Variants in PSD3 observed in about 807,000 individuals in gnomAD.
PSD3 encodes pleckstrin and Sec7 domain containing 3.
A neutral mutation model predicts 105.5 loss-of-function variants in PSD3; 49 were observed. The ratio of observed to expected loss-of-function variants is 0.46; its 90% confidence interval spans 0.37 to 0.59. The LOEUF is 0.59. Ranked by LOEUF, PSD3 falls within the 20% of genes least tolerant of loss-of-function variation. PSD3 has a pLI of 0.00. For synonymous variants in PSD3, 557 were observed against 457.8 expected (o/e 1.22, Z -2.77); for missense variants, 1,561 against 1,263.8 (o/e 1.24, Z -3.57).
intron 8 of PSD3, among the ~76,000 whole-genome samples, chr8:18,790,316 T>C (rs1809583193): frequency 6.6e-6 from 1 of 150,732 alleles, no homozygotes; most frequent in Non-Finnish European, 1.5e-5. Context: ...TTTTTTTTTT[T>C]TTTTTGAGAC....
intron 11 of PSD3, among the ~76,000 whole-genome samples, chr8:18,613,316 G>C (rs948666438): frequency 6.6e-6 from 1 of 152,058 alleles, no homozygotes; most frequent in Non-Finnish European, 1.5e-5. Flanking sequence ...GAGGGGGTGG[G>C]GCCTTGGGAA....
intron 14 of PSD3, among the ~76,000 whole-genome samples, chr8:18,564,399 C>T (rs531919729): frequency 1.4e-4 from 22 of 152,108 alleles, no homozygotes; most frequent in African/African-American, 3.4e-4. Flanking sequence ...GAGGCCGATG[C>T]GGGCGGATCA....
At chr8:18,726,869 A>G (rs1803366244) in intron 9 of PSD3, among the ~76,000 whole-genome samples, 1 of 152,210 alleles carries the variant, frequency 6.6e-6, no homozygotes, top group East Asian at 1.9e-4. Flanking sequence ...CAGACAGTCC[A>G]CCATCTAGGA....
intron 14 of PSD3, among the ~76,000 whole-genome samples, chr8:18,564,158 T>C (rs1801582754): frequency 6.6e-6 from 1 of 152,118 alleles, no homozygotes; most frequent in Admixed American, 6.5e-5. Context: ...GGTTTACTAA[T>C]ATTTATTACT....
At chr8:18,864,345 T>G (rs911667376) in intron 4 of PSD3, among the ~76,000 whole-genome samples, 3 of 152,190 alleles carry the variant, frequency 2.0e-5, no homozygotes, top group African/African-American at 7.2e-5. Flanking sequence ...AGAACACTAA[T>G]AGTTCCTTTC....
At chr8:18,834,041 G>C (rs938270530) in intron 4 of PSD3, among the ~76,000 whole-genome samples, 1 of 152,138 alleles carries the variant, frequency 6.6e-6, no homozygotes, top group Non-Finnish European at 1.5e-5. Context: ...ACAAAATTTT[G>C]CTGAGAGAAG....
At chr8:18,939,868 A>T (rs375061052) in intron 1 of PSD3, among the ~76,000 whole-genome samples, 3 of 152,340 alleles carry the variant, frequency 2.0e-5, no homozygotes, top group African/African-American at 7.2e-5. Flanking sequence ...ATAAGTTTAT[A>T]CACACATATC....
At chr8:18,969,103 A>G (rs1163221691) in intron 1 of PSD3, among the ~76,000 whole-genome samples, 1 of 152,178 alleles carries the variant, frequency 6.6e-6, no homozygotes, top group South Asian at 2.1e-4. Context: ...AAATTACAAC[A>G]TAAAACATAT....
chr8:19,035,911 T>C (rs975773316), intron 1 of PSD3, among the ~76,000 whole-genome samples: 17 of 152,106 alleles, frequency 1.1e-4, no homozygotes, highest in African/African-American at 2.7e-4. Context: ...CATACCACTA[T>C]GCCTGGCTAA....
intron 15 of PSD3, among the ~76,000 whole-genome samples, chr8:18,544,660 T>C (rs748970506): frequency 2.6e-5 from 4 of 152,190 alleles, no homozygotes; most frequent in African/African-American, 9.6e-5. Flanking sequence ...AAATTAAACA[T>C]TAAAAAGCTT....
chr8:18,811,211 T>C (rs927922385), intron 4 of PSD3, among the ~76,000 whole-genome samples: 3 of 152,216 alleles, frequency 2.0e-5, no homozygotes, highest in African/African-American at 7.2e-5. Flanking sequence ...GGCAATAGTA[T>C]AACCCATTTT....
intron 1 of PSD3, among the ~76,000 whole-genome samples, chr8:18,977,741 A>T (rs879266475): frequency 1.3e-5 from 2 of 152,222 alleles, no homozygotes; most frequent in Non-Finnish European, 2.9e-5. Context: ...TTAGACATGC[A>T]CTAAAATATT....
At chr8:19,020,371 T>TG (rs1266141355) in intron 1 of PSD3, among the ~76,000 whole-genome samples, 2 of 150,956 alleles carry the variant, frequency 1.3e-5, no homozygotes, top group Non-Finnish European at 2.9e-5. Flanking sequence ...CTAAAGGAGG[T>TG]GAGGGGGAAA....
rs1326007752 is a variant in PSD3 at position 18,687,489 on chromosome 8, T to TA, written c.2173-31805_2173-31804insT. ...TCAAAAAAAGAAAATTTAGCAGTTTTTTTTTTTTCTGAAAAAATGAATACA... is the reference window on the plus strand; with the variant it reads ...TCAAAAAAAGAAAATTTAGCAGTTTTATTTTTTTTCTGAAAAAATGAATACA... On this transcript the variant is annotated intron_variant, in intron 9 of 15. Coordinates refer to ENST00000327040, the MANE Select transcript of PSD3 (RefSeq NM_015310.4). Among the ~76,000 whole-genome samples the TA allele has an allele frequency of 2.0e-5, 3 of 151,810 alleles. 1 individual carries two copies. The East Asian group carries it at 5.8e-4, about 29-fold the overall frequency.
chr8:18,687,489 T>C (rs1255867292), intron 9 of PSD3, among the ~76,000 whole-genome samples: 2 of 151,692 alleles, frequency 1.3e-5, no homozygotes, highest in East Asian at 3.9e-4. Flanking sequence ...TTAGCAGTTT[T>C]TTTTTTTTCT....
chr8:18,914,631 A>C (rs1282144094), intron 2 of PSD3, among the ~76,000 whole-genome samples: 2 of 152,230 alleles, frequency 1.3e-5, no homozygotes, highest in Non-Finnish European at 2.9e-5. Flanking sequence ...CAAAAAGTAA[A>C]ATACTTCAGA....
rs548762974 is a variant in PSD3 at position 18,936,087 on chromosome 8, T to C, written c.77A>G (p.Lys26Arg). ...NASAHSQSVA[K>R]AKYEFLFGRS... ...GCCAAATAAAAATTCATATTTGGCC[T>C]TGGCAACACTCTGGGAATGTGCAGA... Residue 26 changes from lysine to arginine, a missense_variant, in exon 2 of 16, where the codon AAG becomes AGG. Coordinates refer to ENST00000327040, the MANE Select transcript of PSD3 (RefSeq NM_015310.4). 2.5e-6 allele frequency: 4 copies of C among 1,613,548 alleles called. No individual in the cohort carries two copies. In the South Asian group the frequency reaches 3.3e-5, roughly 13 times the overall value.
intron 10 of PSD3, among the ~76,000 whole-genome samples, chr8:18,641,138 G>A (rs1011616301): frequency 3.9e-5 from 6 of 152,186 alleles, no homozygotes; most frequent in African/African-American, 1.2e-4. Context: ...TTACAGAAGG[G>A]TAGGGGTTAT....
At chr8:18,683,716 C>A (rs186962774) in intron 9 of PSD3, 2 of 745,940 alleles carry the variant, frequency 2.7e-6, no homozygotes, top group East Asian at 4.9e-5. Context: ...CAAAGACTAT[C>A]CAATTCTGTT....
Sources: gnomAD v4.1 joint callset for allele counts (sites outside exome capture counted in the v4.1 genomes callset) on GRCh38, gnomAD v4.1.1 for gene constraint, MANE v1.5 for transcripts, NCBI Gene and HGNC (gene_info 2026-07-23, HGNC 2026-07-21) for gene names.